NTM: variants seen among roughly 807,000 people sequenced by gnomAD.
NTM encodes the protein neurotrimin.
Under a neutral mutation model 42.1 loss-of-function variants are expected in NTM, and 13 were observed. That is an observed-to-expected ratio of 0.31 (90% CI 0.20 to 0.49). The LOEUF is 0.49. NTM is among the 20% of genes least tolerant of loss of function. The pLI is 0.99. For synonymous variants in NTM, 187 were observed against 179.2 expected (o/e 1.04, Z -0.35); for missense variants, 373 against 452.8 (o/e 0.82, Z 1.60).
At chr11:131,384,454 C>T (rs1334571515) in intron 1 of NTM, among the ~76,000 whole-genome samples, 1 of 152,208 alleles carries the variant, frequency 6.6e-6, no homozygotes, top group South Asian at 2.1e-4. Context: ...CTTCCATGTT[C>T]TTGGGGATAA....
intron 1 of NTM, among the ~76,000 whole-genome samples, chr11:131,568,612 T>G (rs979335640): frequency 9.2e-5 from 14 of 151,560 alleles, no homozygotes; most frequent in African/African-American, 3.4e-4. Flanking sequence ...CTCATGGGAG[T>G]CTTTCAACAC....
At chr11:132,125,268 A>T (rs2065484818) in intron 2 of NTM, among the ~76,000 whole-genome samples, 1 of 141,572 alleles carries the variant, frequency 7.1e-6, no homozygotes. Context: ...GAAGATAAAT[A>T]ATGTACTGGT....
At chr11:131,796,350 G>A (rs938297730) in intron 1 of NTM, 1 of 169,792 alleles carries the variant, frequency 5.9e-6, no homozygotes, top group Non-Finnish European at 1.2e-5. Flanking sequence ...TGGGAGTTGG[G>A]CCTCTGCAGA....
intron 1 of NTM, among the ~76,000 whole-genome samples, chr11:131,552,628 A>T (rs61193019): frequency 0.063 from 9,590 of 152,062 alleles, 982 homozygotes; most frequent in African/African-American, 0.22. Context: ...ATCCTGGCTA[A>T]CATGGTGAAA....
intron 1 of NTM, among the ~76,000 whole-genome samples, chr11:131,415,642 A>G (rs1354149985): frequency 6.6e-6 from 1 of 152,096 alleles, no homozygotes; most frequent in Non-Finnish European, 1.5e-5. Context: ...ATCACCAGGA[A>G]TCTGTCAGAA....
At chr11:132,132,039 A>G (rs1377603219) in intron 2 of NTM, among the ~76,000 whole-genome samples, 1 of 152,226 alleles carries the variant, frequency 6.6e-6, no homozygotes, top group East Asian at 1.9e-4. Context: ...AAGGACTTAG[A>G]TAATTATTTG....
chr11:131,756,376 G>T (rs1472412286), intron 1 of NTM, among the ~76,000 whole-genome samples: 1 of 152,082 alleles, frequency 6.6e-6, no homozygotes, highest in African/African-American at 2.4e-5. Context: ...TTGAGCCCGG[G>T]AGTTCAAGAC....
chr11:131,799,270 G>C (rs115852208), intron 1 of NTM, among the ~76,000 whole-genome samples: 66 of 151,904 alleles, frequency 4.3e-4, no homozygotes, highest in African/African-American at 1.3e-3. Flanking sequence ...TGAAACTATC[G>C]CATACTAATG....
At chr11:131,417,216 T>C (rs755631095) in intron 1 of NTM, among the ~76,000 whole-genome samples, 30 of 152,198 alleles carry the variant, frequency 2.0e-4, no homozygotes, top group Non-Finnish European at 4.0e-4. Flanking sequence ...TATAGGACTG[T>C]TCATTAAACA....
rs1417860692 is a variant in NTM, at chr11:131,893,624, A to G, written c.83-17940A>G. 2.6e-5 allele frequency among the ~76,000 whole-genome samples: 4 copies of G among 152,320 alleles called. No homozygotes were observed. The East Asian group carries it at 7.7e-4, about 29-fold the overall frequency. Reference sequence around the variant, plus strand: ...AAAGTACCATCTTCAGAGCTTTAAAATATCTTTCTCCCAAGGAAATGGAAA... The same window carrying G: ...AAAGTACCATCTTCAGAGCTTTAAAGTATCTTTCTCCCAAGGAAATGGAAA... On this transcript the variant is annotated intron_variant, in intron 1 of 8. Transcript: ENST00000683400.
At chr11:131,627,656 C>A (rs999995582) in intron 1 of NTM, among the ~76,000 whole-genome samples, 1 of 152,016 alleles carries the variant, frequency 6.6e-6, no homozygotes, top group Non-Finnish European at 1.5e-5. Flanking sequence ...CATACTTACA[C>A]CCCATCTCTA....
chr11:132,083,421 G>T (rs2059330221), intron 2 of NTM, among the ~76,000 whole-genome samples: 1 of 152,208 alleles, frequency 6.6e-6, no homozygotes, highest in Non-Finnish European at 1.5e-5. Context: ...TTTAAAATTG[G>T]CTTTGAGGGA....
intron 1 of NTM, among the ~76,000 whole-genome samples, chr11:131,523,234 C>G (rs1485281886): frequency 1.3e-5 from 2 of 152,148 alleles, no homozygotes; most frequent in Non-Finnish European, 2.9e-5. Flanking sequence ...AAATAAATGT[C>G]AAGAGAACTC....
chr11:131,716,446 C>T (rs543765924), intron 1 of NTM, among the ~76,000 whole-genome samples: 3 of 152,258 alleles, frequency 2.0e-5, no homozygotes, highest in South Asian at 4.1e-4. Context: ...AAGAAATTCC[C>T]TGTTTTCCAA....
chr11:131,887,452 C>A (rs2050591641), intron 1 of NTM, among the ~76,000 whole-genome samples: 1 of 152,218 alleles, frequency 6.6e-6, no homozygotes, highest in African/African-American at 2.4e-5. Flanking sequence ...TCTTCAGGCA[C>A]AAGTCACTTT....
chr11:132,046,148 T>G (rs1172781441), intron 2 of NTM, among the ~76,000 whole-genome samples: 1 of 151,806 alleles, frequency 6.6e-6, no homozygotes, highest in Non-Finnish European at 1.5e-5. Flanking sequence ...CTTCCTAGGA[T>G]GGTAATGAGG....
intron 1 of NTM, among the ~76,000 whole-genome samples, chr11:131,879,176 G>A (rs2049067666): frequency 1.3e-5 from 2 of 152,044 alleles, no homozygotes; most frequent in Non-Finnish European, 2.9e-5. Context: ...GTGTATTCAG[G>A]CTTCTCATTC....
chr11:132,069,330 C>A (rs1423290158), intron 2 of NTM, among the ~76,000 whole-genome samples: 1 of 148,278 alleles, frequency 6.7e-6, no homozygotes, highest in Non-Finnish European at 1.5e-5. Context: ...TTAGTTAACA[C>A]GTCACACAGC....
chr11:132,270,294 C>T (rs181658922), intron 4 of NTM, among the ~76,000 whole-genome samples: 38 of 152,302 alleles, frequency 2.5e-4, no homozygotes, highest in African/African-American at 7.9e-4. Context: ...TGCAATAGCA[C>T]GATATCGGCT....
Sources: allele counts gnomAD v4.1 joint callset (sites outside exome capture counted in the v4.1 genomes callset), GRCh38; gene constraint gnomAD v4.1.1; transcripts MANE v1.5; gene names NCBI Gene and HGNC (gene_info 2026-07-23, HGNC 2026-07-21).